Variants in SHD observed in about 807,000 individuals in gnomAD.
SHD encodes the protein SH2 domain-containing adapter protein D.
A neutral mutation model predicts 31.2 loss-of-function variants in SHD; 29 were observed. The ratio of observed to expected loss-of-function variants is 0.93; its 90% CI spans 0.69 to 1.27. The LOEUF is 1.27. Among genes scored for constraint, SHD ranks in the 50% most tolerant of loss-of-function variants. The probability of loss-of-function intolerance (pLI) is 0.00; values close to 1 mark genes in which losing one functional copy is unlikely to be tolerated. For synonymous variants in SHD, 208 were observed against 187.8 expected (o/e 1.11, Z -0.88); for missense variants, 520 against 453.8 (o/e 1.15, Z -1.33).
At chr19:4,289,082 G>A (rs949294557) in intron 5 of SHD, among the ~76,000 whole-genome samples, 2 of 150,394 alleles carry the variant, frequency 1.3e-5, no homozygotes, top group African/African-American at 2.4e-5. Flanking sequence ...GACTTTCGGC[G>A]CATACCACCG....
Position 4,279,847 on chromosome 19 carries a change from TCCTC to T in SHD, c.-211_-208del, listed in dbSNP as rs1971237990. 5 of 602,598 alleles carry T rather than the reference TCCTC, an allele frequency of 8.3e-6. No homozygotes were observed. The East Asian group carries it at 1.5e-4, about 18-fold the overall frequency. 37.3% of individuals were successfully genotyped at this position (602,598 alleles called of 1,614,324 possible). A position where few individuals can be genotyped will look rare whatever the true frequency, so the allele number is the denominator to read the frequency against. Reference sequence around the variant, plus strand: ...AAGCTGGGCTAAGGCGGGCTTCTCTTCCTCCCTCCTCTGTCGCCTCCTTTTCCTC... The same window carrying T: ...AAGCTGGGCTAAGGCGGGCTTCTCTTCCTCCTCTGTCGCCTCCTTTTCCTC... On this transcript the variant is annotated 5_prime_UTR_variant, in exon 1 of 6. Transcript: ENST00000543264. The surrounding 1 kb of genome is among the most constrained non-coding windows in gnomAD (Gnocchi z 7.5).
chr19:4,284,685 G>A (rs1971290053), intron 3 of SHD, 96 bp from the exon 4 acceptor site: 8 of 1,352,454 alleles, frequency 5.9e-6, no homozygotes, highest in African/African-American at 1.5e-5. Context: ...TCCCAAGCTG[G>A]CCCTGCCTTT....
intron 5 of SHD, among the ~76,000 whole-genome samples, chr19:4,290,102 G>A (rs140827389): frequency 6.7e-6 from 1 of 149,550 alleles, no homozygotes; most frequent in Admixed American, 6.7e-5. Context: ...TCTCAAACTC[G>A]TAACCTCAAG....
rs781720880 is a variant in SHD, at chr19:4,290,634, C to G, written c.*1C>G. 7.5e-6 allele frequency: 12 copies of G among 1,592,426 alleles called. No individual in the cohort carries two copies. In the Admixed American group the frequency reaches 1.6e-4, roughly 21 times the overall value. On this transcript the variant is annotated 3_prime_UTR_variant, in exon 6 of 6. Transcript: ENST00000543264. ...CCCCGTGGTCACGCAGACCCCCTGACAGTGACCCTCGGCCCCCTTTTGAGT... is the reference window on the plus strand; with the variant it reads ...CCCCGTGGTCACGCAGACCCCCTGAGAGTGACCCTCGGCCCCCTTTTGAGT...
At chr19:4,285,909 T>TTTTTTTG (rs1971304787) in intron 4 of SHD, among the ~76,000 whole-genome samples, 1 of 129,180 alleles carries the variant, frequency 7.7e-6, no homozygotes, top group Admixed American at 8.2e-5. Context: ...TTTTTTTTTT[T>TTTTTTTG]TGACAGAGCC....
Position 4,279,895 on chromosome 19 carries a change from CT to C in SHD, c.-167del. The C allele has an allele frequency of 1.3e-6, 1 of 776,208 alleles. No homozygotes were observed. Among genetic ancestry groups the C allele is most frequent in the Non-Finnish European group, 2.0e-6 (1 of 497,118 alleles). 48.1% of individuals were successfully genotyped at this position (776,208 alleles called of 1,614,324 possible). A position where few individuals can be genotyped will look rare whatever the true frequency, so the allele number is the denominator to read the frequency against. On this transcript the variant is annotated 5_prime_UTR_variant, in exon 1 of 6. Coordinates refer to ENST00000543264, the MANE Select transcript of SHD (RefSeq NM_020209.4). The surrounding 1 kb of genome is among the most constrained non-coding windows in gnomAD (Gnocchi z 7.5). ...TTTCCTCCCCCTCGTTCACCTTTTC[CT>C]TCCCTCTATCCATCCAGAGCCCCGC...
chr19:4,286,282 T>C (rs1971315677), intron 4 of SHD, among the ~76,000 whole-genome samples: 1 of 105,632 alleles, frequency 9.5e-6, no homozygotes, highest in Admixed American at 1.0e-4. Context: ...TTTCTTTCTT[T>C]TTTTCTTTCC....
chr19:4,280,638 C>T (rs1971248369), intron 1 of SHD, among the ~76,000 whole-genome samples: 1 of 152,048 alleles, frequency 6.6e-6, no homozygotes, highest in African/African-American at 2.4e-5. Context: ...AGCGATTCTC[C>T]TGCCTCAGCC....
Position 4,289,772 on chromosome 19 carries a change from C to T in SHD, c.837-675C>T, listed in dbSNP as rs181932124. Among the ~76,000 whole-genome samples, 164 of 145,654 alleles carry T rather than the reference C, an allele frequency of 1.1e-3. 1 individual carries two copies. Among genetic ancestry groups the T allele is most frequent in the African/African-American group, 3.2e-3 (126 of 39,286 alleles). Reference sequence around the variant, plus strand: ...TTTTTTAGTAGACACGGGGTTTCACCGTGTTAGCCAGGATGGTCTCCATCT... The same window carrying T: ...TTTTTTAGTAGACACGGGGTTTCACTGTGTTAGCCAGGATGGTCTCCATCT... On this transcript the variant is annotated intron_variant, in intron 5 of 5. Transcript: ENST00000543264.
chr19:4,290,721 T>C lies in SHD; in HGVS notation c.*88T>C. ...GGCCTAGAAAATAAATAAGTTATTG[T>C]TTGTCTTAGTGTCCTTTCTGGGCTA... On this transcript the variant is annotated 3_prime_UTR_variant, in exon 6 of 6. Coordinates refer to ENST00000543264, the MANE Select transcript of SHD (RefSeq NM_020209.4). 1 of 1,368,470 alleles carries C rather than the reference T, an allele frequency of 7.3e-7. No individual in the cohort carries two copies. The highest frequency in any genetic ancestry group is 9.8e-7 in the Non-Finnish European group (1 of 1,022,526). The allele number at this position is 1,368,470 out of a possible 1,614,324, so 84.8% of individuals were successfully genotyped here. A position where few individuals can be genotyped will look rare whatever the true frequency, so the allele number is the denominator to read the frequency against.
chr19:4,286,750 C>T (rs543088835), intron 4 of SHD, among the ~76,000 whole-genome samples: 1 of 151,396 alleles, frequency 6.6e-6, no homozygotes, highest in Non-Finnish European at 1.5e-5. Context: ...CATGGTGGTG[C>T]GTGCCTGTAA....
At chr19:4,286,202 T>TTTTCTTTCTTTCTTTCTTTCTTTCCTTTC (rs1568369296) in intron 4 of SHD, among the ~76,000 whole-genome samples, 1 of 124,480 alleles carries the variant, frequency 8.0e-6, no homozygotes, top group Non-Finnish European at 1.7e-5. Flanking sequence ...CGCTCTTTCT[T>TTTTCTTTCTTTCTTTCTTTCTTTCCTTTC]TTTCTTTCTT....
intron 5 of SHD, 66 bp from the exon 6 acceptor site, chr19:4,290,381 T>C: frequency 1.3e-6 from 2 of 1,536,816 alleles, no homozygotes; most frequent in East Asian, 2.3e-5. Context: ...GGAGGTGGCT[T>C]TGGGGATGGT....
rs771181852 is a variant in SHD, at chr19:4,290,453, C to T, written c.843C>T (p.Ser281=). Residue 281 remains serine, a synonymous_variant, in exon 6 of 6, where the codon AGC becomes AGT. Coordinates refer to ENST00000543264, the MANE Select transcript of SHD (RefSeq NM_020209.4). The part of the protein sequence containing the change: ...PQDCSLSLRS[S]QGFLHLKFAR... ...TTTCTCCCTCATCGCCCAGGAGCAGCCAGGGCTTCCTGCATCTGAAGTTCG... is the reference window on the plus strand; with the variant it reads ...TTTCTCCCTCATCGCCCAGGAGCAGTCAGGGCTTCCTGCATCTGAAGTTCG... 4.3e-6 allele frequency: 7 copies of T among 1,610,630 alleles called. No homozygotes were observed. In the African/African-American group the frequency reaches 8.0e-5, roughly 18 times the overall value.
Position 4,280,373 on chromosome 19 carries a change from G to A in SHD, c.297+13G>A, listed in dbSNP as rs956276919. The A allele has an allele frequency of 1.3e-6, 2 of 1,547,988 alleles. No individual in the cohort carries two copies. Among genetic ancestry groups the A allele is most frequent in the African/African-American group, 2.7e-5 (2 of 73,006 alleles). ...CCCCGGGGAGGAGGTGCGTGGCTGG[G>A]TGGCCTGGGGAGACTGGGTGGAGGG... On this transcript the variant is annotated intron_variant, in intron 1 of 5. Transcript: ENST00000543264.
Position 4,279,902 on chromosome 19 carries a change from C to G in SHD, c.-162C>G, listed in dbSNP as rs1328937042. 1.6e-5 allele frequency: 13 copies of G among 821,750 alleles called. No homozygotes were observed. The highest frequency in any genetic ancestry group is 3.5e-5 in the African/African-American group (2 of 57,752). The allele number at this position is 821,750 out of a possible 1,614,324, so 50.9% of individuals were successfully genotyped here. On this transcript the variant is annotated 5_prime_UTR_variant, in exon 1 of 6. Transcript: ENST00000543264. The surrounding 1 kb of genome is among the most constrained non-coding windows in gnomAD (Gnocchi z 7.5). ...CCCCTCGTTCACCTTTTCCTTCCCT[C>G]TATCCATCCAGAGCCCCGCCAAAGG...
intron 4 of SHD, among the ~76,000 whole-genome samples, chr19:4,285,889 C>CTTTTTTT (rs56142317): frequency 0.16 from 14,184 of 86,866 alleles, 1,848 homozygotes; most frequent in Non-Finnish European, 0.19. Flanking sequence ...CTTTTCCTTT[C>CTTTTTTT]TTTTTTTTTT....
chr19:4,280,616 TC>T (rs1314141642), intron 1 of SHD, among the ~76,000 whole-genome samples: 2 of 151,046 alleles, frequency 1.3e-5, no homozygotes, highest in East Asian at 2.0e-4. Flanking sequence ...AACCTCCACC[TC>T]CTGGGGTTCA....
intron 5 of SHD, among the ~76,000 whole-genome samples, chr19:4,288,878 G>C (rs1226599647): frequency 6.6e-6 from 1 of 152,082 alleles, no homozygotes; most frequent in Admixed American, 6.6e-5. Context: ...GCTGACGTCT[G>C]TAATCCCAGC....
Sources: allele counts gnomAD v4.1 joint callset (sites outside exome capture counted in the v4.1 genomes callset), GRCh38; gene constraint gnomAD v4.1.1; non-coding constraint Gnocchi (gnomAD v3.1); transcripts MANE v1.5; gene names NCBI Gene and HGNC (gene_info 2026-07-23, HGNC 2026-07-21).